RFX3: variants seen among roughly 807,000 people sequenced by gnomAD.
RFX3 encodes the protein transcription factor RFX3.
A neutral mutation model predicts 98.6 loss-of-function variants in RFX3; 14 were observed. That is an observed-to-expected ratio of 0.14 (90% confidence interval 0.09 to 0.22). RFX3 has a LOEUF of 0.22. Ranked by LOEUF, RFX3 falls within the 10% of genes least tolerant of loss-of-function variation. The pLI, the probability that RFX3 is intolerant of heterozygous loss-of-function variation, is 1.00. For missense variants in RFX3, 639 were observed against 926.9 expected, an observed-to-expected ratio of 0.69 and a Z score of 4.03; for synonymous variants, 383 against 328.4, an observed-to-expected ratio of 1.17 and a Z score of -1.80.
rs1192274874 is a variant in RFX3 at position 3,228,893 on chromosome 9, C to A, written c.1969-4G>T. 1.2e-6 allele frequency: 2 copies of A among 1,610,178 alleles called. No homozygotes were observed. Among genetic ancestry groups the A allele is most frequent in the Non-Finnish European group, 1.7e-6 (2 of 1,178,350 alleles). ...ACACGGCATTTAAATCACCAAACTG[C>A]AAAACAATAGTCATTTGTGCAATAG... On this transcript the variant is annotated splice_polypyrimidine_tract_variant and splice_region_variant and intron_variant, in intron 15 of 16. Coordinates refer to ENST00000617270, the MANE Select transcript of RFX3 (RefSeq NM_001282116.2).
At chr9:3,386,729 G>A (rs570130121) in intron 2 of RFX3, among the ~76,000 whole-genome samples, 1 of 152,272 alleles carries the variant, frequency 6.6e-6, no homozygotes, top group African/African-American at 2.4e-5. Context: ...GTCCAGAAGT[G>A]CACAGTTTCA....
chr9:3,325,378 A>G (rs1831794945), intron 4 of RFX3, among the ~76,000 whole-genome samples: 1 of 152,046 alleles, frequency 6.6e-6, no homozygotes, highest in Middle Eastern at 3.2e-3. Flanking sequence ...GGACTTTCAA[A>G]TTTTCCTCCA....
rs181412668 is a variant in RFX3, at chr9:3,476,066, A to G, written c.-9+49681T>C. 3.0e-3 allele frequency among the ~76,000 whole-genome samples: 454 copies of G among 152,188 alleles called. 3 individuals are homozygous for G. Among genetic ancestry groups the G allele is most frequent in the African/African-American group, 0.011 (439 of 41,518 alleles). On this transcript the variant is annotated intron_variant, in intron 1 of 16. Coordinates refer to ENST00000617270, the MANE Select transcript of RFX3 (RefSeq NM_001282116.2). ...TTCTCACTATGTCCCCTCAGCTCCT[A>G]TCTCTGTATGGCCTAGTTTTTCCTA...
chr9:3,393,476 A>C (rs1840533301), intron 2 of RFX3, among the ~76,000 whole-genome samples: 1 of 152,206 alleles, frequency 6.6e-6, no homozygotes, highest in Non-Finnish European at 1.5e-5. Context: ...GCACTCTCTC[A>C]AAACCATTCT....
At position 3,222,380 on chromosome 9, in the gene RFX3, A is replaced by G. The variant is rs1201435797; in HGVS notation, c.*2662T>C. The G allele has an allele frequency of 6.6e-6, 1 of 152,206 alleles. No individual in the cohort carries two copies. Among genetic ancestry groups the G allele is most frequent in the Non-Finnish European group, 1.5e-5 (1 of 68,008 alleles). 9.4% of individuals were successfully genotyped at this position (152,206 alleles called of 1,614,324 possible). ...CCTAATTTAGAACAAACCATGAACA[A>G]TTGGAAGAAATGTTGAATCCTGGAG... On this transcript the variant is annotated 3_prime_UTR_variant, in exon 17 of 17. Coordinates refer to ENST00000617270, the MANE Select transcript of RFX3 (RefSeq NM_001282116.2).
chr9:3,396,617 C>A (rs988346514), intron 1 of RFX3, among the ~76,000 whole-genome samples: 1 of 149,602 alleles, frequency 6.7e-6, no homozygotes, highest in South Asian at 2.1e-4. Flanking sequence ...AATCGCCACA[C>A]TGACTTCCAC....
At chr9:3,319,154 C>G (rs909954392) in intron 4 of RFX3, among the ~76,000 whole-genome samples, 1 of 152,152 alleles carries the variant, frequency 6.6e-6, no homozygotes, top group African/African-American at 2.4e-5. Context: ...AGTTAGTCTC[C>G]GTAATCACTA....
chr9:3,265,453 G>A (rs538647863), intron 12 of RFX3, among the ~76,000 whole-genome samples: 10 of 152,258 alleles, frequency 6.6e-5, no homozygotes, highest in South Asian at 2.1e-4. Context: ...TCTGCCCCCC[G>A]ATTCAAAGGC....
chr9:3,415,013 T>C (rs1195138764), intron 1 of RFX3, among the ~76,000 whole-genome samples: 1 of 138,568 alleles, frequency 7.2e-6, no homozygotes, highest in African/African-American at 2.6e-5. Context: ...TATATACTCA[T>C]ATATATACTT....
intron 2 of RFX3, among the ~76,000 whole-genome samples, chr9:3,358,800 C>T (rs1447938115): frequency 6.6e-6 from 1 of 151,994 alleles, no homozygotes; most frequent in Non-Finnish European, 1.5e-5. Context: ...CCAATCATGG[C>T]AGAAGGGGAA....
At chr9:3,516,732 C>T (rs879759936) in intron 1 of RFX3, among the ~76,000 whole-genome samples, 1 of 152,140 alleles carries the variant, frequency 6.6e-6, no homozygotes, top group Non-Finnish European at 1.5e-5. Context: ...CGCACTCTCT[C>T]TCTCTCTCTC....
chr9:3,349,169 C>A (rs113920216), intron 2 of RFX3, among the ~76,000 whole-genome samples: 67 of 151,522 alleles, frequency 4.4e-4, no homozygotes, highest in African/African-American at 1.5e-3. Flanking sequence ...ATATATTTGT[C>A]CATCTTTGCT....
intron 6 of RFX3, among the ~76,000 whole-genome samples, 198 bp downstream of exon 6, chr9:3,292,879 G>C (rs962817239): frequency 1.3e-5 from 2 of 152,108 alleles, no homozygotes; most frequent in African/African-American, 4.8e-5. Flanking sequence ...TCATGTTTTA[G>C]ACAACATATA....
At chr9:3,233,775 G>A (rs1261756560) in intron 15 of RFX3, among the ~76,000 whole-genome samples, 2 of 152,140 alleles carry the variant, frequency 1.3e-5, no homozygotes, top group African/African-American at 4.8e-5. Context: ...TTCCCCAATA[G>A]TGTTAATTTG....
chr9:3,313,025 C>T (rs896922447), intron 4 of RFX3, among the ~76,000 whole-genome samples: 5 of 152,182 alleles, frequency 3.3e-5, no homozygotes, highest in Non-Finnish European at 5.9e-5. Flanking sequence ...AGTGGTTCTC[C>T]CAGCACAGAA....
intron 1 of RFX3, among the ~76,000 whole-genome samples, chr9:3,501,924 A>G (rs1267847555): frequency 6.6e-6 from 1 of 151,996 alleles, no homozygotes; most frequent in Non-Finnish European, 1.5e-5. Flanking sequence ...CTATAAGAGT[A>G]ACCTCAGTTA....
At chr9:3,270,674 CGAGA>C in intron 10 of RFX3, 149 bp from the exon 11 acceptor site, 1 of 769,202 alleles carries the variant, frequency 1.3e-6, no homozygotes, top group Non-Finnish European at 2.0e-6. Flanking sequence ...CTATATATAC[CGAGA>C]GAGACAGACA....
chr9:3,338,811 C>A (rs946640354), intron 3 of RFX3, among the ~76,000 whole-genome samples: 1 of 152,174 alleles, frequency 6.6e-6, no homozygotes, highest in Non-Finnish European at 1.5e-5. Context: ...TATTCTAGGC[C>A]AGGCACGGTG....
At chr9:3,521,081 A>C (rs1818662381) in intron 1 of RFX3, among the ~76,000 whole-genome samples, 1 of 152,216 alleles carries the variant, frequency 6.6e-6, no homozygotes, top group African/African-American at 2.4e-5. Flanking sequence ...ATACAATAAA[A>C]AGCATATCAC....
Sources: allele counts gnomAD v4.1 joint callset (sites outside exome capture counted in the v4.1 genomes callset), GRCh38; gene constraint gnomAD v4.1.1; transcripts MANE v1.5; gene names NCBI Gene and HGNC (gene_info 2026-07-23, HGNC 2026-07-21).